FARP2: variants seen among roughly 807,000 people sequenced by gnomAD.
FARP2 encodes FERM, ARH/RhoGEF and pleckstrin domain protein 2, also known as FERM, ARHGEF and pleckstrin domain-containing protein 2.
FARP2 carries 111 observed loss-of-function variants against 130.5 expected under a neutral mutation model. The observed-to-expected ratio is 0.85, with a 90% CI of 0.73 to 1.00. The LOEUF (loss-of-function observed/expected upper bound fraction) is 1.00, where lower values mean the gene tolerates loss of function less well. FARP2 is among the 50% of genes least tolerant of loss of function. The pLI is 0.00. For synonymous variants in FARP2, 504 were observed against 516.9 expected, an observed-to-expected ratio of 0.98 and a Z score of 0.34; for missense variants, 1,385 against 1,346.3, an observed-to-expected ratio of 1.03 and a Z score of -0.45.
intron 21 of FARP2, among the ~76,000 whole-genome samples, chr2:241,486,121 G>GA (rs1412831464): frequency 2.0e-5 from 3 of 151,894 alleles, no homozygotes; most frequent in Non-Finnish European, 4.4e-5. Context: ...CTTTATTATA[G>GA]AAAAAAATAA....
At chr2:241,443,310 G>C (rs2063436759) in intron 13 of FARP2, 1 of 153,916 alleles carries the variant, frequency 6.5e-6, no homozygotes, top group Non-Finnish European at 1.4e-5. Flanking sequence ...TTGAGACCCA[G>C]AAATAGTGCT....
chr2:241,439,329 AT>A (rs955664832), intron 12 of FARP2, among the ~76,000 whole-genome samples: 3 of 150,406 alleles, frequency 2.0e-5, no homozygotes, highest in Non-Finnish European at 3.0e-5. Context: ...CAAAGTTAGA[AT>A]TTTTTTTTCT....
At chr2:241,367,621 C>T (rs2061344296) in intron 1 of FARP2, among the ~76,000 whole-genome samples, 1 of 152,066 alleles carries the variant, frequency 6.6e-6, no homozygotes, top group Admixed American at 6.5e-5. Flanking sequence ...ATTCTGGTTT[C>T]TTGGGTTGGT....
chr2:241,466,539 G>C (rs1559798731), intron 17 of FARP2: 1 of 985,430 alleles, frequency 1.0e-6, no homozygotes. Context: ...ATGGGCATCG[G>C]CAGGGCTTGG....
At chr2:241,483,575 G>T (rs2064678880) in intron 20 of FARP2, 42 bp downstream of exon 20, 1 of 1,587,428 alleles carries the variant, frequency 6.3e-7, no homozygotes. Context: ...CCCCCGAGGG[G>T]GATGGGCAGC....
At chr2:241,385,520 G>A (rs1040400270) in intron 2 of FARP2, among the ~76,000 whole-genome samples, 1 of 152,072 alleles carries the variant, frequency 6.6e-6, no homozygotes, top group African/African-American at 2.4e-5. Flanking sequence ...TCAGGAGCTC[G>A]AGACAATTCT....
intron 13 of FARP2, among the ~76,000 whole-genome samples, chr2:241,452,008 G>A (rs140978225): frequency 3.9e-5 from 6 of 152,302 alleles, no homozygotes; most frequent in African/African-American, 1.4e-4. Context: ...ACCTGCTTGA[G>A]CTTCCCAAAG....
chr2:241,416,664 T>C (rs887343050), intron 7 of FARP2, among the ~76,000 whole-genome samples: 3 of 152,258 alleles, frequency 2.0e-5, no homozygotes, highest in African/African-American at 7.2e-5. Context: ...CAGTGGCTCA[T>C]GCCTGTAATC....
At chr2:241,380,140 C>G (rs889896938) in intron 2 of FARP2, among the ~76,000 whole-genome samples, 1 of 152,292 alleles carries the variant, frequency 6.6e-6, no homozygotes, top group African/African-American at 2.4e-5. Flanking sequence ...CCTATTGATC[C>G]CTGTACCAGT....
chr2:241,457,261 C>T (rs1037629495), intron 14 of FARP2, among the ~76,000 whole-genome samples: 5 of 152,178 alleles, frequency 3.3e-5, no homozygotes, highest in African/African-American at 9.7e-5. Context: ...TTCCCACCTT[C>T]CTCATTTCTC....
At chr2:241,456,564 A>G in intron 13 of FARP2, 183 bp from the exon 14 acceptor site, 2 of 627,698 alleles carry the variant, frequency 3.2e-6, no homozygotes, top group Non-Finnish European at 5.7e-6. Context: ...ATCAACCCTC[A>G]TTTTCATTTT....
intron 21 of FARP2, chr2:241,489,590 A>G (rs2064844670): frequency 6.2e-6 from 1 of 161,434 alleles, no homozygotes; most frequent in South Asian, 2.0e-4. Flanking sequence ...AAATTAATCC[A>G]CAGTGGGTTT....
intron 14 of FARP2, among the ~76,000 whole-genome samples, chr2:241,461,272 A>C (rs1055176173): frequency 6.6e-6 from 1 of 150,436 alleles, no homozygotes; most frequent in African/African-American, 2.4e-5. Context: ...CTCACCCCTC[A>C]CCCCTCCGCG....
chr2:241,421,214 G>T (rs2062798963), intron 8 of FARP2, among the ~76,000 whole-genome samples: 2 of 152,186 alleles, frequency 1.3e-5, no homozygotes, highest in Non-Finnish European at 2.9e-5. Flanking sequence ...CTAGGACCTT[G>T]GGTCCAATAC....
rs2064228159 is a variant in FARP2, at chr2:241,468,356, C to A, written c.2110C>A (p.His704Asn). 1 of 1,612,768 alleles carries A rather than the reference C, an allele frequency of 6.2e-7. No homozygotes were observed. Among genetic ancestry groups the A allele is most frequent in the South Asian group, 1.1e-5 (1 of 91,070 alleles). ...RLCGHYSPGHHDYADCHDALK... is the reference protein window; with the variant it reads ...RLCGHYSPGHNDYADCHDALK... The stretch of plus-strand genomic sequence containing the variant: ...ATGCGGACATTACAGCCCCGGGCAC[C>A]ATGACTACGCTGACTGCCATGGTGA... The change falls in exon 18 of 27, where the codon CAT becomes AAT. Residue 704 changes from histidine (H) to asparagine (N), a missense_variant. Physicochemically the swap from His to Asn is moderately conservative, Grantham distance 68. Coordinates refer to ENST00000264042, the MANE Select transcript of FARP2 (RefSeq NM_014808.4).
At chr2:241,486,132 T>C (rs943072777) in intron 21 of FARP2, among the ~76,000 whole-genome samples, 19 of 152,216 alleles carry the variant, frequency 1.2e-4, no homozygotes, top group Middle Eastern at 3.4e-3. Flanking sequence ...AAAAAAATAA[T>C]TGAAAGTATA....
At chr2:241,493,480 A>C (rs745692051) in intron 26 of FARP2, 36 bp downstream of exon 26, 3 of 1,600,386 alleles carry the variant, frequency 1.9e-6, no homozygotes, top group Non-Finnish European at 2.6e-6. Flanking sequence ...TCAGCTGCCC[A>C]TTTCGATGTC....
At chr2:241,435,905 T>A (rs1270001906) in intron 11 of FARP2, among the ~76,000 whole-genome samples, 1 of 142,590 alleles carries the variant, frequency 7.0e-6, no homozygotes, top group African/African-American at 2.6e-5. Flanking sequence ...CATAGTATAG[T>A]AAATTTTTTT....
chr2:241,421,125 A>G (rs36066866), intron 8 of FARP2, among the ~76,000 whole-genome samples: 7 of 152,054 alleles, frequency 4.6e-5, no homozygotes, highest in Admixed American at 6.6e-5. Flanking sequence ...TGACTGTGCA[A>G]CCTCACCCAG....
Sources: gnomAD v4.1 joint callset for allele counts (sites outside exome capture counted in the v4.1 genomes callset) on GRCh38, gnomAD v4.1.1 for gene constraint, MANE v1.5 for transcripts, NCBI Gene and HGNC (gene_info 2026-07-23, HGNC 2026-07-21) for gene names.